Variants in FRMD5 observed in about 807,000 individuals in gnomAD.
FRMD5 encodes the protein FERM domain-containing protein 5.
Under a neutral mutation model 69.0 loss-of-function variants are expected in FRMD5, and 20 were observed. The ratio of observed to expected loss-of-function variants is 0.29; its 90% CI spans 0.20 to 0.42. The LOEUF is 0.42. Among genes scored for constraint, FRMD5 ranks in the 10% least tolerant of loss-of-function variants. FRMD5 has a pLI of 1.00. For synonymous variants in FRMD5, 271 were observed against 260.1 expected (o/e 1.04, Z -0.40); for missense variants, 595 against 708.6 (o/e 0.84, Z 1.82).
chr15:44,175,881 T>C (rs2077886059), intron 1 of FRMD5, among the ~76,000 whole-genome samples: 1 of 152,042 alleles, frequency 6.6e-6, no homozygotes, highest in Admixed American at 6.6e-5. Context: ...AAATTAAAGA[T>C]CCAAATAAAT....
chr15:43,939,110 A>G (rs1433287546), intron 1 of FRMD5, among the ~76,000 whole-genome samples: 1 of 151,724 alleles, frequency 6.6e-6, no homozygotes. Context: ...ACCTCAGGTG[A>G]TCCGCCTGCC....
intron 1 of FRMD5, among the ~76,000 whole-genome samples, chr15:44,070,113 G>A (rs894525374): frequency 1.3e-5 from 2 of 152,058 alleles, no homozygotes; most frequent in African/African-American, 2.4e-5. Context: ...CATTTCCAGA[G>A]GATTTATTCT....
intron 1 of FRMD5, among the ~76,000 whole-genome samples, chr15:44,100,862 G>A (rs1479596158): frequency 1.3e-5 from 2 of 152,018 alleles, no homozygotes; most frequent in African/African-American, 2.4e-5. Context: ...AAATAAACTA[G>A]TCTTGGGGCC....
chr15:43,931,584 TTTTC>T (rs1288823034), intron 1 of FRMD5, among the ~76,000 whole-genome samples: 2 of 151,886 alleles, frequency 1.3e-5, no homozygotes, highest in Non-Finnish European at 2.9e-5. Context: ...ATTGCTGCTT[TTTTC>T]TTTTTTTTTT....
intron 13 of FRMD5, 60 bp downstream of exon 13, chr15:43,883,643 C>G: frequency 1.6e-6 from 2 of 1,239,696 alleles, no homozygotes. Context: ...AGCCTCTTTT[C>G]AAGGTCCCAG....
chr15:44,065,931 T>C (rs1031555514), intron 1 of FRMD5, among the ~76,000 whole-genome samples: 1 of 152,202 alleles, frequency 6.6e-6, no homozygotes, highest in African/African-American at 2.4e-5. Flanking sequence ...CTTTATATCA[T>C]TTTACTCAAC....
chr15:43,939,238 A>G (rs2089820037), intron 1 of FRMD5, among the ~76,000 whole-genome samples: 1 of 152,154 alleles, frequency 6.6e-6, no homozygotes, highest in South Asian at 2.1e-4. Flanking sequence ...ATATCAGTGG[A>G]TAACCAATCC....
chr15:44,134,702 G>A (rs931240200), intron 1 of FRMD5, among the ~76,000 whole-genome samples: 1 of 152,130 alleles, frequency 6.6e-6, no homozygotes, highest in African/African-American at 2.4e-5. Flanking sequence ...CACCCTCCTC[G>A]GCCTCTCAAA....
rs376212499 is a variant in FRMD5 at position 43,880,300 on chromosome 15, T to C, written c.1135+3403A>G. ...GAGCATGAACCAATTTAAATGCCTC[T>C]AAATTCCTTGGGGTTTTTGTTGGTT... On this transcript the variant is annotated intron_variant, in intron 13 of 13. Transcript: ENST00000417257. 1.6e-4 allele frequency among the ~76,000 whole-genome samples: 25 copies of C among 152,304 alleles called. 2 individuals carry two copies. The East Asian group carries it at 3.7e-3, about 22-fold the overall frequency.
intron 1 of FRMD5, among the ~76,000 whole-genome samples, chr15:44,005,355 C>G (rs1313230477): frequency 5.3e-5 from 8 of 151,496 alleles, no homozygotes. Flanking sequence ...CCTGTAATCC[C>G]AGCTACTCGG....
intron 1 of FRMD5, among the ~76,000 whole-genome samples, chr15:44,134,082 C>G (rs2077145340): frequency 6.6e-6 from 1 of 151,832 alleles, no homozygotes; most frequent in Admixed American, 6.6e-5. Context: ...GGAAAATAAT[C>G]AGATGGCCAA....
At chr15:43,927,553 A>G (rs1274501764) in intron 1 of FRMD5, among the ~76,000 whole-genome samples, 1 of 152,184 alleles carries the variant, frequency 6.6e-6, no homozygotes, top group Non-Finnish European at 1.5e-5. Flanking sequence ...GAGGTATTTC[A>G]GGTTCTCTGG....
intron 8 of FRMD5, among the ~76,000 whole-genome samples, chr15:43,891,374 GAAGA>G (rs1267611610): frequency 2.0e-5 from 3 of 152,094 alleles, no homozygotes; most frequent in Non-Finnish European, 4.4e-5. Flanking sequence ...GGGAGGGAAG[GAAGA>G]AAGAGTGGGA....
chr15:44,117,116 A>AG (rs1312314438), intron 1 of FRMD5, among the ~76,000 whole-genome samples: 1 of 152,046 alleles, frequency 6.6e-6, no homozygotes, highest in Non-Finnish European at 1.5e-5. Flanking sequence ...AAAAAAAAAA[A>AG]AAAGTGTGAA....
At chr15:43,977,447 A>C (rs537955837) in intron 1 of FRMD5, among the ~76,000 whole-genome samples, 6 of 152,176 alleles carry the variant, frequency 3.9e-5, no homozygotes, top group African/African-American at 1.2e-4. Context: ...GGGGTGGTGC[A>C]TGGGGGAGGT....
intron 1 of FRMD5, among the ~76,000 whole-genome samples, chr15:44,160,179 C>T (rs1332253660): frequency 6.6e-6 from 1 of 152,218 alleles, no homozygotes; most frequent in Non-Finnish European, 1.5e-5. Flanking sequence ...CATGGTTAAA[C>T]CCTGTCTCTA....
chr15:44,168,559 A>G (rs2077747893), intron 1 of FRMD5, among the ~76,000 whole-genome samples: 1 of 152,240 alleles, frequency 6.6e-6, no homozygotes, highest in Admixed American at 6.5e-5. Flanking sequence ...TGACAAGAAC[A>G]ATTACTTGAT....
At chr15:44,019,672 G>A (rs1432248668) in intron 1 of FRMD5, among the ~76,000 whole-genome samples, 1 of 148,660 alleles carries the variant, frequency 6.7e-6, no homozygotes, top group African/African-American at 2.5e-5. Context: ...GGGAAGCGGA[G>A]GTTGCAGTGA....
At chr15:44,183,454 G>C (rs148482791) in intron 1 of FRMD5, among the ~76,000 whole-genome samples, 5 of 152,310 alleles carry the variant, frequency 3.3e-5, no homozygotes, top group Non-Finnish European at 5.9e-5. Context: ...ATCTGGCAAG[G>C]GCAAATGGGA....
Sources: gnomAD v4.1 joint callset for allele counts (sites outside exome capture counted in the v4.1 genomes callset) on GRCh38, gnomAD v4.1.1 for gene constraint, MANE v1.5 for transcripts, NCBI Gene and HGNC (gene_info 2026-07-23, HGNC 2026-07-21) for gene names.